The following TAS2R1 variants were observed in gnomAD, a reference collection of about 807,000 sequenced individuals.
The protein encoded by TAS2R1 is taste 2 receptor member 1, also known as taste receptor type 2 member 1.
For synonymous variants in TAS2R1, 141 were observed against 134.2 expected, an observed-to-expected ratio of 1.05 and a Z score of -0.35; for missense variants, 370 against 353.4, an observed-to-expected ratio of 1.05 and a Z score of -0.38.
chr5:9,864,012 A>G, the TAS2R1 span, among the ~76,000 whole-genome samples: 1 of 152,232 alleles, frequency 6.6e-6, no homozygotes, highest in African/African-American at 2.4e-5. Context: ...TAGACCAAAC[A>G]TGATTTTTAA....
At chr5:9,760,388 T>C in the TAS2R1 span, among the ~76,000 whole-genome samples, 1 of 152,184 alleles carries the variant, frequency 6.6e-6, no homozygotes, top group Non-Finnish European at 1.5e-5. Context: ...AAAGACATTA[T>C]AAGACAGGAA....
At chr5:9,640,370 A>G (rs1442987377) in intron 2 of TAS2R1, among the ~76,000 whole-genome samples, 1 of 151,994 alleles carries the variant, frequency 6.6e-6, no homozygotes, top group Non-Finnish European at 1.5e-5. Flanking sequence ...CAAAAATAAT[A>G]AAAAAAGCTT....
the TAS2R1 span, among the ~76,000 whole-genome samples, chr5:9,731,497 C>T: frequency 6.6e-6 from 1 of 152,224 alleles, no homozygotes; most frequent in East Asian, 1.9e-4. Flanking sequence ...GGATTCCCCT[C>T]TCTGAGCTTC....
At chr5:9,677,069 G>A (rs1467643118) in intron 1 of TAS2R1, among the ~76,000 whole-genome samples, 2 of 152,186 alleles carry the variant, frequency 1.3e-5, no homozygotes, top group Non-Finnish European at 2.9e-5. Flanking sequence ...GGAATACTAT[G>A]CAGCCATAAA....
the TAS2R1 span, among the ~76,000 whole-genome samples, chr5:9,756,227 C>T: frequency 1.3e-5 from 2 of 152,180 alleles, no homozygotes; most frequent in African/African-American, 2.4e-5. Flanking sequence ...AAATTGCTGG[C>T]CTGTACCTTA....
At chr5:9,875,653 T>C in the TAS2R1 span, among the ~76,000 whole-genome samples, 1 of 152,176 alleles carries the variant, frequency 6.6e-6, no homozygotes, top group Admixed American at 6.5e-5. Context: ...GAAATCCCCA[T>C]GGAGTTACCA....
chr5:9,899,538 G>A, the TAS2R1 span, among the ~76,000 whole-genome samples: 9 of 151,720 alleles, frequency 5.9e-5, no homozygotes, highest in African/African-American at 2.2e-4. Context: ...TCGGGAGGCT[G>A]AGGCAGAAGA....
chr5:9,898,598 T>C, the TAS2R1 span, among the ~76,000 whole-genome samples: 1 of 152,220 alleles, frequency 6.6e-6, no homozygotes, highest in Non-Finnish European at 1.5e-5. Flanking sequence ...CAAGCAGTCA[T>C]GAAACAATCT....
chr5:9,858,002 G>A, the TAS2R1 span, among the ~76,000 whole-genome samples: 1 of 152,136 alleles, frequency 6.6e-6, no homozygotes, highest in Non-Finnish European at 1.5e-5. Context: ...GCTGGGGTGG[G>A]CATGAAGTCT....
the TAS2R1 span, among the ~76,000 whole-genome samples, chr5:9,725,342 G>C: frequency 2.6e-5 from 4 of 152,236 alleles, no homozygotes; most frequent in Non-Finnish European, 5.9e-5. Flanking sequence ...GGCTGCGCGC[G>C]GAGCTTGTGG....
chr5:9,772,776 G>A, the TAS2R1 span, among the ~76,000 whole-genome samples: 1 of 151,950 alleles, frequency 6.6e-6, no homozygotes, highest in African/African-American at 2.4e-5. Context: ...TACAGTTTTT[G>A]TCTTAAAGTC....
chr5:9,698,612 G>A (rs770003747), intron 1 of TAS2R1, among the ~76,000 whole-genome samples: 1 of 152,060 alleles, frequency 6.6e-6, no homozygotes. Flanking sequence ...AGAGGGGAAG[G>A]GAAATAGCCT....
the TAS2R1 span, among the ~76,000 whole-genome samples, chr5:9,825,877 C>T: frequency 2.0e-5 from 3 of 152,088 alleles, no homozygotes; most frequent in African/African-American, 7.2e-5. Flanking sequence ...GCACAACAAG[C>T]GATTCCAGAC....
chr5:9,643,213 A>G (rs1740120686), intron 2 of TAS2R1, among the ~76,000 whole-genome samples: 1 of 152,218 alleles, frequency 6.6e-6, no homozygotes, highest in South Asian at 2.1e-4. Flanking sequence ...CTGTGCAAAC[A>G]TCATAGAGTG....
intron 1 of TAS2R1, among the ~76,000 whole-genome samples, chr5:9,695,883 C>T (rs1288733967): frequency 6.6e-6 from 1 of 152,088 alleles, no homozygotes; most frequent in African/African-American, 2.4e-5. Flanking sequence ...AGAGACGATA[C>T]ATAAAATTTG....
chr5:9,745,994 G>T, the TAS2R1 span, among the ~76,000 whole-genome samples: 3 of 152,076 alleles, frequency 2.0e-5, no homozygotes, highest in Non-Finnish European at 2.9e-5. Flanking sequence ...TAAAGAATGG[G>T]AGAAAATTTT....
the TAS2R1 span, among the ~76,000 whole-genome samples, chr5:9,734,586 C>T: frequency 6.6e-6 from 1 of 152,072 alleles, no homozygotes; most frequent in African/African-American, 2.4e-5. Context: ...CAATGCTTTG[C>T]CAAATAAAAT....
At chr5:9,877,711 C>T in the TAS2R1 span, among the ~76,000 whole-genome samples, 2 of 152,154 alleles carry the variant, frequency 1.3e-5, no homozygotes, top group Admixed American at 6.5e-5. Flanking sequence ...TCAACAGAGC[C>T]GAGAGAAATT....
chr5:9,733,540 T>C, the TAS2R1 span, among the ~76,000 whole-genome samples: 4 of 152,100 alleles, frequency 2.6e-5, no homozygotes, highest in Non-Finnish European at 5.9e-5. Flanking sequence ...TAGTCAAACA[T>C]GACAAGAGGT....
Sources: gnomAD v4.1 joint callset for allele counts (sites outside exome capture counted in the v4.1 genomes callset) on GRCh38, gnomAD v4.1.1 for gene constraint, MANE v1.5 for transcripts, NCBI Gene and HGNC (gene_info 2026-07-23, HGNC 2026-07-21) for gene names.